TRIM42: variants seen among roughly 807,000 people sequenced by gnomAD.
TRIM42 encodes tripartite motif containing 42.
TRIM42 carries 59 observed loss-of-function variants against 64.9 expected under a neutral mutation model. The observed-to-expected ratio is 0.91, with a 90% CI of 0.74 to 1.13. TRIM42 has a LOEUF of 1.13. TRIM42 is among the 50% of genes most tolerant of loss of function. TRIM42 has a pLI of 0.00. For missense variants in TRIM42, 878 were observed against 929.5 expected (o/e 0.94, Z 0.72); for synonymous variants, 354 against 346.3 (o/e 1.02, Z -0.25).
Position 140,682,531 on chromosome 3 carries a change from C to T in TRIM42, c.411C>T (p.Asn137=), listed in dbSNP as rs143388392. The change falls in exon 2 of 5, where the codon AAC becomes AAT. Residue 137 remains asparagine (N), a synonymous_variant. Coordinates refer to ENST00000286349, the MANE Select transcript of TRIM42 (RefSeq NM_152616.5). ...QVDEVKSIPA[N]SHLVNHLNCP... is the part of the protein sequence containing the mutation. ...ATGAAGTAAAGTCAATACCAGCCAA[C>T]AGTCACCTGGTGAACCACCTCAATT... 1.2e-6 allele frequency: 2 copies of T among 1,614,158 alleles called. No homozygotes were observed. Among genetic ancestry groups the T allele is most frequent in the African/African-American group, 2.7e-5 (2 of 74,948 alleles).
At chr3:140,685,340 A>AT (rs1186545875) in intron 2 of TRIM42, among the ~76,000 whole-genome samples, 2 of 152,202 alleles carry the variant, frequency 1.3e-5, no homozygotes, top group Non-Finnish European at 2.9e-5. Context: ...GCAAGATGGA[A>AT]TTTTAAAAAA....
chr3:140,698,910 A>T lies in TRIM42; in HGVS notation c.2086-1978A>T, dbSNP rs115102218. On this transcript the variant is annotated intron_variant, in intron 4 of 4. Coordinates refer to ENST00000286349, the MANE Select transcript of TRIM42 (RefSeq NM_152616.5). ...CTTTGGCCAGAACCTTGAGTCATAC[A>T]TAAAATTGTGGCAGTGTTAGTAGAT... is the stretch of plus-strand genomic sequence containing the variant. Among the ~76,000 whole-genome samples the T allele has an allele frequency of 2.2e-3, 334 of 152,260 alleles. 1 individual carries two copies. Among genetic ancestry groups the T allele is most frequent in the African/African-American group, 7.7e-3 (322 of 41,564 alleles).
Position 140,700,869 on chromosome 3 carries a change from T to C in TRIM42, c.2086-19T>C. The C allele has an allele frequency of 1.9e-6, 3 of 1,613,248 alleles. No homozygotes were observed. Among genetic ancestry groups the C allele is most frequent in the Non-Finnish European group, 2.5e-6 (3 of 1,179,300 alleles). ...GCTGTTGTCTATTGGGTGTCATGAC[T>C]CTTCGCTTCTGATTGCAGGTGGTAA... is the stretch of plus-strand genomic sequence containing the variant. On this transcript the variant is annotated intron_variant, in intron 4 of 4. Transcript: ENST00000286349.
chr3:140,683,809 T>C (rs745698870), intron 2 of TRIM42, among the ~76,000 whole-genome samples: 2 of 152,200 alleles, frequency 1.3e-5, no homozygotes, highest in Non-Finnish European at 2.9e-5. Flanking sequence ...TTCCTCTGCA[T>C]GCTTGTTCAT....
In TRIM42 at chr3:140,678,209, G is replaced by A. The variant is rs369984293; in HGVS notation, c.-21G>A. On this transcript the variant is annotated 5_prime_UTR_variant, in exon 1 of 5. Coordinates refer to ENST00000286349, the MANE Select transcript of TRIM42 (RefSeq NM_152616.5). ...GAGGCATCAAGAGTCCTGGGAGGCC[G>A]GTGGTAATCATGTAGGCACCATGGA... is the stretch of plus-strand genomic sequence containing the variant. 1.6e-4 allele frequency: 249 copies of A among 1,600,826 alleles called. No individual in the cohort carries two copies. Among genetic ancestry groups the A allele is most frequent in the Non-Finnish European group, 2.0e-4 (239 of 1,169,978 alleles).
Position 140,682,860 on chromosome 3 carries a change from C to G in TRIM42, c.740C>G (p.Ala247Gly), listed in dbSNP as rs1270139319. Residue 247 changes from alanine to glycine, a missense_variant, in exon 2 of 5, where the codon GCT becomes GGT. Transcript: ENST00000286349. ...LCQVCRNKRI[A>G]YKRCITCRLN... ...CAGGTCTGCCGCAACAAGCGCATCG[C>G]TTACAAGCGCTGCATCACCTGCCGC... 1.9e-6 allele frequency: 3 copies of G among 1,614,216 alleles called. No individual in the cohort carries two copies. Among genetic ancestry groups the G allele is most frequent in the Non-Finnish European group, 2.5e-6 (3 of 1,180,028 alleles).
At chr3:140,699,715 C>T (rs1988951077) in intron 4 of TRIM42, among the ~76,000 whole-genome samples, 1 of 152,166 alleles carries the variant, frequency 6.6e-6, no homozygotes, top group Non-Finnish European at 1.5e-5. Flanking sequence ...CTGTGTGTAT[C>T]TTGGACATTA....
intron 2 of TRIM42, 117 bp downstream of exon 2, chr3:140,683,276 A>G: frequency 9.3e-7 from 1 of 1,077,890 alleles, no homozygotes; most frequent in Non-Finnish European, 1.3e-6. Context: ...TGGAGCAATC[A>G]AGGCACCAGG....
At chr3:140,699,746 G>T (rs973278618) in intron 4 of TRIM42, among the ~76,000 whole-genome samples, 1 of 152,054 alleles carries the variant, frequency 6.6e-6, no homozygotes, top group Non-Finnish European at 1.5e-5. Flanking sequence ...TTTTATCAGG[G>T]TTATCTCTAT....
intron 4 of TRIM42, among the ~76,000 whole-genome samples, chr3:140,694,993 C>T (rs1489593915): frequency 2.6e-5 from 4 of 152,144 alleles, no homozygotes; most frequent in Admixed American, 2.6e-4. Flanking sequence ...ACCTGTAATC[C>T]CACCACTTTG....
At chr3:140,688,767 T>C (rs698676) in intron 3 of TRIM42, among the ~76,000 whole-genome samples, 45,184 of 152,102 alleles carry the variant, frequency 0.3, 6,883 homozygotes, top group East Asian at 0.42. Context: ...ATTTAACTCA[T>C]AATCGTAAAT....
chr3:140,690,531 G>A (rs1246918342), intron 3 of TRIM42, among the ~76,000 whole-genome samples: 1 of 104,122 alleles, frequency 9.6e-6, no homozygotes, highest in Non-Finnish European at 1.8e-5. Context: ...AAGTTTTTAT[G>A]TATATATATA....
intron 2 of TRIM42, among the ~76,000 whole-genome samples, chr3:140,684,410 T>G (rs1317579656): frequency 6.6e-6 from 1 of 152,212 alleles, no homozygotes; most frequent in Non-Finnish European, 1.5e-5. Flanking sequence ...TACAGTCAGT[T>G]ACCAAAGTGC....
chr3:140,689,522 A>T (rs1337555413), intron 3 of TRIM42, among the ~76,000 whole-genome samples: 1 of 152,132 alleles, frequency 6.6e-6, no homozygotes, highest in Non-Finnish European at 1.5e-5. Flanking sequence ...TGGTTCTCAC[A>T]AACTTCCAGG....
chr3:140,696,850 A>C lies in TRIM42; in HGVS notation c.2086-4038A>C, dbSNP rs538281612. Among the ~76,000 whole-genome samples the C allele has an allele frequency of 3.9e-5, 6 of 152,286 alleles. No individual in the cohort carries two copies. The South Asian group carries it at 1.2e-3, about 32-fold the overall frequency. On this transcript the variant is annotated intron_variant, in intron 4 of 4. Transcript: ENST00000286349. ...CTTCAAAGGCCCTATCTCCAAATATAATCACACTCTAAGTACTGGGGGTTA... is the reference window on the plus strand; with the variant it reads ...CTTCAAAGGCCCTATCTCCAAATATCATCACACTCTAAGTACTGGGGGTTA...
chr3:140,678,933 C>T (rs1359154477), intron 1 of TRIM42, among the ~76,000 whole-genome samples: 1 of 152,156 alleles, frequency 6.6e-6, no homozygotes, highest in Admixed American at 6.5e-5. Context: ...CATGAGGAAA[C>T]TGATCCTTTG....
chr3:140,688,411 G>A lies in TRIM42; in HGVS notation c.1729G>A (p.Ala577Thr). 1 of 1,614,200 alleles carries A rather than the reference G, an allele frequency of 6.2e-7. No homozygotes were observed. The highest frequency in any genetic ancestry group is 8.5e-7 in the Non-Finnish European group (1 of 1,180,020). Residue 577 changes from alanine to threonine, a missense_variant, in exon 3 of 5, where the codon GCT becomes ACT. Ala to Thr is a moderately conservative substitution (Grantham distance 58). Transcript: ENST00000286349. ...AGACGGCCTCTACACCTACTGGAGT[G>A]CTGGAGCAGACAGCCAGTCTGTACA... ...PTDGLYTYWS[A>T]GADSQSVQNS...
chr3:140,687,008 G>A (rs1430733058), intron 2 of TRIM42, among the ~76,000 whole-genome samples: 1 of 152,090 alleles, frequency 6.6e-6, no homozygotes, highest in East Asian at 1.9e-4. Context: ...CATGTAACAG[G>A]GCTCCAGTAA....
intron 4 of TRIM42, among the ~76,000 whole-genome samples, chr3:140,694,566 T>G (rs1988802056): frequency 1.3e-5 from 2 of 152,218 alleles, no homozygotes; most frequent in Non-Finnish European, 2.9e-5. Flanking sequence ...CCATGAAAGC[T>G]TCCCATGACA....
Sources: allele counts gnomAD v4.1 joint callset (sites outside exome capture counted in the v4.1 genomes callset), GRCh38; gene constraint gnomAD v4.1.1; transcripts MANE v1.5; gene names NCBI Gene and HGNC (gene_info 2026-07-23, HGNC 2026-07-21).